The following USP6 variants were observed in gnomAD, a reference collection of about 807,000 sequenced individuals.
The protein encoded by USP6 is ubiquitin specific peptidase 6, also known as ubiquitin carboxyl-terminal hydrolase 6.
USP6 carries 128 observed loss-of-function variants against 175.7 expected under a neutral mutation model. The observed-to-expected ratio is 0.73, with a 90% CI of 0.63 to 0.84. The LOEUF (loss-of-function observed/expected upper bound fraction) is 0.84. Ranked by LOEUF, USP6 falls within the 40% of genes least tolerant of loss-of-function variation. The pLI, the probability that USP6 is intolerant of heterozygous loss-of-function variation, is 0.00. For synonymous variants in USP6, 562 were observed against 630.6 expected, an observed-to-expected ratio of 0.89 and a Z score of 1.63; for missense variants, 1,498 against 1,760.3, an observed-to-expected ratio of 0.85 and a Z score of 2.67.
At chr17:5,151,160 A>G (rs2073759922) in intron 30 of USP6, among the ~76,000 whole-genome samples, 2 of 152,206 alleles carry the variant, frequency 1.3e-5, no homozygotes, top group South Asian at 4.1e-4. Flanking sequence ...TTTAGGGATG[A>G]CCATTCAACT....
intron 13 of USP6, 21 bp from the exon 14 acceptor site, chr17:5,133,422 C>T: frequency 3.7e-6 from 6 of 1,600,542 alleles, no homozygotes; most frequent in African/African-American, 1.3e-5. Context: ...CCTGTGACAC[C>T]AGATTCTTTT....
chr17:5,137,653 C>G lies in USP6; in HGVS notation c.828C>G (p.Ile276Met). Residue 276 changes from isoleucine (I) to methionine (M), a missense_variant and splice_region_variant, in exon 20 of 38, where the codon ATC becomes ATG. Around this residue, in one of 2 missense-constraint regions of USP6, gnomAD observed 1,217 missense variants for 1,500.8 expected, o/e 0.81. Transcript: ENST00000574788. ...TCTCATACCTGCTGTCCCCACAGAT[C>G]TCTCTCGGGCTCACCCTGCGCCTGT... The part of the protein sequence containing the change: ...GCLLRNLIDG[I>M]SLGLTLRLWD... The G allele has an allele frequency of 6.2e-7, 1 of 1,604,730 alleles. No individual in the cohort carries two copies. The highest frequency in any genetic ancestry group is 8.5e-7 in the Non-Finnish European group (1 of 1,173,962).
At chr17:5,138,343 A>G in intron 21 of USP6, 70 bp downstream of exon 21, 2 of 1,603,626 alleles carry the variant, frequency 1.2e-6, no homozygotes, top group South Asian at 2.2e-5. Flanking sequence ...GGTGCCCCGG[A>G]CCAGCAACCC....
intron 33 of USP6, among the ~76,000 whole-genome samples, chr17:5,164,777 G>C (rs1249648873): frequency 2.6e-5 from 4 of 152,200 alleles, no homozygotes; most frequent in African/African-American, 9.7e-5. Context: ...GTAGACAAAA[G>C]AGATACTGTG....
intron 30 of USP6, 27 bp from the exon 31 acceptor site, chr17:5,155,395 A>G (rs1446837414): frequency 6.2e-7 from 1 of 1,608,632 alleles, no homozygotes; most frequent in African/African-American, 1.3e-5. Flanking sequence ...TGTCTTCTCA[A>G]CTCTCTATTC....
At chr17:5,139,856 G>A (rs1175467059) in intron 22 of USP6, among the ~76,000 whole-genome samples, 182 bp downstream of exon 22, 2 of 152,068 alleles carry the variant, frequency 1.3e-5, no homozygotes, top group Non-Finnish European at 2.9e-5. Context: ...GTTCCCTCCA[G>A]GCTTCTAGAA....
intron 13 of USP6, 64 bp from the exon 14 acceptor site, chr17:5,133,379 C>T (rs1296103784): frequency 6.6e-7 from 1 of 1,506,500 alleles, no homozygotes; most frequent in Non-Finnish European, 9.2e-7. Flanking sequence ...CCAGAATCCC[C>T]AGGCTCTGGT....
Position 5,148,715 on chromosome 17 carries a change from C to A in USP6, c.2591C>A (p.Ser864Tyr). ...TNGMVNGHMP[S>Y]LPDSPFTGYI... ...GGAATGGTTAATGGTCACATGCCAT[C>A]TCTTCCTGACAGCCCCTTTACAGGT... Residue 864 changes from serine (S) to tyrosine (Y), a missense_variant, in exon 30 of 38, where the codon TCT becomes TAT. Transcript: ENST00000574788. 6.2e-7 allele frequency: 1 copy of A among 1,613,902 alleles called. No homozygotes were observed. Among genetic ancestry groups the A allele is most frequent in the South Asian group, 1.1e-5 (1 of 91,066 alleles).
At chr17:5,150,848 T>C (rs1340980939) in intron 30 of USP6, among the ~76,000 whole-genome samples, 1 of 152,132 alleles carries the variant, frequency 6.6e-6, no homozygotes, top group Non-Finnish European at 1.5e-5. Context: ...AAGGTTTCAG[T>C]AGGGTGGGGG....
chr17:5,168,505 C>T (rs955311714), intron 34 of USP6, among the ~76,000 whole-genome samples: 12 of 152,184 alleles, frequency 7.9e-5, no homozygotes, highest in African/African-American at 1.4e-4. Context: ...CAACTGAGCC[C>T]GGGGGCAATA....
intron 30 of USP6, among the ~76,000 whole-genome samples, chr17:5,152,305 TATG>T (rs2073791559): frequency 6.6e-6 from 1 of 151,790 alleles, no homozygotes; most frequent in Non-Finnish European, 1.5e-5. Context: ...AAAACAATAT[TATG>T]ATATCAGTGC....
intron 4 of USP6, among the ~76,000 whole-genome samples, 174 bp downstream of exon 4, chr17:5,121,924 G>A (rs2072680639): frequency 6.6e-6 from 1 of 152,190 alleles, no homozygotes; most frequent in African/African-American, 2.4e-5. Flanking sequence ...AGCCTTGAAT[G>A]CCAAGTTAAA....
At chr17:5,148,535 T>A in intron 29 of USP6, 21 bp from the exon 30 acceptor site, 2 of 1,613,216 alleles carry the variant, frequency 1.2e-6, no homozygotes, top group Non-Finnish European at 1.7e-6. Context: ...TATGATGCTG[T>A]ACTTATCTTT....
At chr17:5,125,511 G>T (rs2072856271) in intron 5 of USP6, among the ~76,000 whole-genome samples, 1 of 152,058 alleles carries the variant, frequency 6.6e-6, no homozygotes, top group African/African-American at 2.4e-5. Flanking sequence ...AAAAATACAG[G>T]TTTAAATGCT....
rs992653811 is a variant in USP6, at chr17:5,132,419, C to G, written c.179C>G (p.Thr60Ser). The G allele has an allele frequency of 6.2e-7, 1 of 1,612,052 alleles. No homozygotes were observed. The highest frequency in any genetic ancestry group is 1.3e-5 in the African/African-American group (1 of 74,852). Residue 60 changes from threonine to serine, a missense_variant, in exon 12 of 38, where the codon ACT becomes AGT. This residue lies in a region of USP6 where 281 missense variants were observed against 259.6 expected (regional missense o/e 1.08). Transcript: ENST00000574788. This position sits in a 1 kb window ranked among gnomAD's most constrained non-coding sequence, Gnocchi z 4.7. ...ILHETELPPV[T>S]AREAKKIRRE... ...AGTGAGACGGAGCTGCCTCCTGTGA[C>G]TGCACGGGAGGCGAAGGTAAGAGCC...
At chr17:5,143,321 A>G (rs1178618304) in intron 25 of USP6, among the ~76,000 whole-genome samples, 1 of 152,266 alleles carries the variant, frequency 6.6e-6, no homozygotes, top group Admixed American at 6.5e-5. Context: ...AAAGGGGGAA[A>G]GGTGGGGAAA....
rs1394848267 is a variant in USP6, at chr17:5,173,261, T to C, written c.*283T>C. 7.7e-6 allele frequency: 3 copies of C among 391,134 alleles called. No homozygotes were observed. Among genetic ancestry groups the C allele is most frequent in the Non-Finnish European group, 9.3e-6 (2 of 214,956 alleles). 24.2% of individuals were successfully genotyped at this position (391,134 alleles called of 1,614,324 possible). On this transcript the variant is annotated 3_prime_UTR_variant, in exon 38 of 38. Coordinates refer to ENST00000574788, the MANE Select transcript of USP6 (RefSeq NM_001304284.2). ...GGACCAAATAAGAATTGAATTGTGC[T>C]TGTCCAGATATGAACAAATATGTAG... is the stretch of plus-strand genomic sequence containing the variant.
chr17:5,130,356 T>G lies in USP6; in HGVS notation c.-1-11T>G. On this transcript the variant is annotated splice_polypyrimidine_tract_variant and intron_variant, in intron 9 of 37. Transcript: ENST00000574788. ...GGTACAGTGTAACCTTTAGACAATT[T>G]TGTCTCACAGGATGGACATGGTAGA... 2 of 1,614,004 alleles carry G rather than the reference T, an allele frequency of 1.2e-6. No homozygotes were observed. The highest frequency in any genetic ancestry group is 1.1e-5 in the South Asian group (1 of 91,080).
intron 30 of USP6, among the ~76,000 whole-genome samples, chr17:5,154,670 C>T (rs763816421): frequency 6.6e-5 from 10 of 152,002 alleles, no homozygotes; most frequent in Non-Finnish European, 1.0e-4. Context: ...CCAACAACCA[C>T]TATCGACAGT....
Sources: allele counts gnomAD v4.1 joint callset (sites outside exome capture counted in the v4.1 genomes callset), GRCh38; gene constraint gnomAD v4.1.1; regional missense constraint gnomAD v4.1.1; non-coding constraint Gnocchi (gnomAD v3.1); transcripts MANE v1.5; gene names NCBI Gene and HGNC (gene_info 2026-07-23, HGNC 2026-07-21).